OR52B6: variants seen among roughly 807,000 people sequenced by gnomAD.
OR52B6 encodes the protein olfactory receptor 52B6.
For missense variants in OR52B6, 433 were observed against 416.8 expected, an observed-to-expected ratio of 1.04 and a Z score of -0.34; for synonymous variants, 169 against 160.0, an observed-to-expected ratio of 1.06 and a Z score of -0.42.
Position 5,581,195 on chromosome 11 carries a change from C to G in OR52B6, c.319C>G (p.Leu107Val), listed in dbSNP as rs777125359. The change falls in exon 1 of 1, where the codon CTA becomes GTA. Residue 107 changes from leucine (L) to valine (V), a missense_variant. By Grantham distance (32) the Leu-to-Val change is conservative. Coordinates refer to ENST00000345043, the MANE Select transcript of OR52B6 (RefSeq NM_001005162.2). Reference sequence around the variant, plus strand: ...GCCTAAGGCCCTGGCCAATTTGTGGCTAGGTTATAGCCTCATTTCCTTTGA... The same window carrying G: ...GCCTAAGGCCCTGGCCAATTTGTGGGTAGGTTATAGCCTCATTTCCTTTGA... Reference protein sequence around the residue: ...TMPKALANLWLGYSLISFDGC... With the variant: ...TMPKALANLWVGYSLISFDGC... The G allele has an allele frequency of 8.1e-6, 13 of 1,613,076 alleles. No individual in the cohort carries two copies. In the South Asian group the frequency reaches 1.4e-4, roughly 18 times the overall value.
At position 5,581,181 on chromosome 11, in the gene OR52B6, T is replaced by C; in HGVS notation, c.305T>C (p.Leu102Pro). The C allele has an allele frequency of 6.2e-7, 1 of 1,613,296 alleles. No individual in the cohort carries two copies. The highest frequency in any genetic ancestry group is 8.5e-7 in the Non-Finnish European group (1 of 1,179,556). ...LLSTTTMPKALANLWLGYSLI... is the reference protein window; with the variant it reads ...LLSTTTMPKAPANLWLGYSLI... ...TCTACCACCACCATGCCTAAGGCCCTGGCCAATTTGTGGCTAGGTTATAGC... is the reference window on the plus strand; with the variant it reads ...TCTACCACCACCATGCCTAAGGCCCCGGCCAATTTGTGGCTAGGTTATAGC... Residue 102 changes from leucine to proline, a missense_variant, in exon 1 of 1, where the codon CTG becomes CCG. By Grantham distance (98) the Leu-to-Pro change is moderately conservative. Coordinates refer to ENST00000345043, the MANE Select transcript of OR52B6 (RefSeq NM_001005162.2).
Position 5,581,783 on chromosome 11 carries a change from A to T in OR52B6, c.907A>T (p.Ile303Phe). Reference sequence around the variant, plus strand: ...TCTCCTGGCCAGCCTCTACGTTGTCATTCCTCCTATGCTCAATCCCGTTAT... The same window carrying T: ...TCTCCTGGCCAGCCTCTACGTTGTCTTTCCTCCTATGCTCAATCCCGTTAT... The part of the protein sequence containing the change: ...HILLASLYVV[I>F]PPMLNPVIYG... The change falls in exon 1 of 1, where the codon ATT becomes TTT. Residue 303 changes from isoleucine (I) to phenylalanine (F), a missense_variant. Ile to Phe is a conservative substitution (Grantham distance 21). Coordinates refer to ENST00000345043, the MANE Select transcript of OR52B6 (RefSeq NM_001005162.2). 1 of 1,613,990 alleles carries T rather than the reference A, an allele frequency of 6.2e-7. No homozygotes were observed. Among genetic ancestry groups the T allele is most frequent in the Non-Finnish European group, 8.5e-7 (1 of 1,179,912 alleles).
In OR52B6 at chr11:5,581,021, A is replaced by G; in HGVS notation, c.145A>G (p.Ile49Val). 2 of 1,614,066 alleles carry G rather than the reference A, an allele frequency of 1.2e-6. No individual in the cohort carries two copies. The highest frequency in any genetic ancestry group is 1.7e-6 in the Non-Finnish European group (2 of 1,179,962). ...GGAGCAACTACATATCTGGCTGTCC[A>G]TCCCCTTCTGCATCATGTACATCAC... The part of the protein sequence containing the change: ...GLEQLHIWLS[I>V]PFCIMYITAL... The change falls in exon 1 of 1, where the codon ATC becomes GTC. Residue 49 changes from isoleucine to valine, a missense_variant. Physicochemically the swap from Ile to Val is conservative, Grantham distance 29 (BLOSUM62 3). Coordinates refer to ENST00000345043, the MANE Select transcript of OR52B6 (RefSeq NM_001005162.2).
rs866023564 is a variant in OR52B6 at position 5,581,471 on chromosome 11, G to A, written c.595G>A (p.Glu199Lys). The A allele has an allele frequency of 6.2e-7, 1 of 1,613,868 alleles. No homozygotes were observed. Among genetic ancestry groups the A allele is most frequent in the African/African-American group, 1.3e-5 (1 of 74,888 alleles). The change falls in exon 1 of 1, where the codon GAG (glutamate) becomes AAG (lysine). Residue 199 changes from glutamate to lysine, a missense_variant. Coordinates refer to ENST00000345043, the MANE Select transcript of OR52B6 (RefSeq NM_001005162.2). ...QINIIAHTFC[E>K]HMGIAHLSCS... ...CAATATCATTGCACACACATTTTGT[G>A]AGCACATGGGCATTGCCCATCTGTC...
In OR52B6 at chr11:5,581,616, T is replaced by G; in HGVS notation, c.740T>G (p.Leu247Arg). The G allele has an allele frequency of 6.2e-7, 1 of 1,614,162 alleles. No homozygotes were observed. The highest frequency in any genetic ancestry group is 8.5e-7 in the Non-Finnish European group (1 of 1,180,034). Residue 247 changes from leucine to arginine, a missense_variant, in exon 1 of 1, where the codon CTC (leucine) becomes CGC (arginine). Physicochemically the swap from Leu to Arg is moderately radical, Grantham distance 102 (BLOSUM62 -2). Coordinates refer to ENST00000345043, the MANE Select transcript of OR52B6 (RefSeq NM_001005162.2). ...CACATCCTCCAAGCAGTCTTCCGCC[T>G]CCTTTCTCAAGATGCCCGCTCCAAG... ...YIHILQAVFRLLSQDARSKAL... is the reference protein window; with the variant it reads ...YIHILQAVFRRLSQDARSKAL...
chr11:5,581,338 C>A lies in OR52B6; in HGVS notation c.462C>A (p.Ile154=). ...AICSPLRYVT[I]LTSKVIGKIV... Reference sequence around the variant, plus strand: ...GCTCCCCCCTGCGATATGTCACAATCCTCACAAGCAAGGTCATTGGGAAGA... The same window carrying A: ...GCTCCCCCCTGCGATATGTCACAATACTCACAAGCAAGGTCATTGGGAAGA... Residue 154 remains isoleucine (I), a synonymous_variant, in exon 1 of 1, where the codon ATC becomes ATA. Transcript: ENST00000345043. The A allele has an allele frequency of 6.2e-7, 1 of 1,613,038 alleles. No homozygotes were observed. Among genetic ancestry groups the A allele is most frequent in the South Asian group, 1.1e-5 (1 of 90,766 alleles).
Position 5,581,176 on chromosome 11 carries a change from G to A in OR52B6, c.300G>A (p.Lys100=). 2 of 1,613,212 alleles carry A rather than the reference G, an allele frequency of 1.2e-6. No individual in the cohort carries two copies. The highest frequency in any genetic ancestry group is 1.7e-6 in the Non-Finnish European group (2 of 1,179,514). ...DVLLSTTTMP[K]ALANLWLGYS... is the part of the protein sequence containing the mutation. The stretch of plus-strand genomic sequence containing the variant: ...TGCTCTCTACCACCACCATGCCTAA[G>A]GCCCTGGCCAATTTGTGGCTAGGTT... The change falls in exon 1 of 1, where the codon AAG becomes AAA. Residue 100 remains lysine, a synonymous_variant. Coordinates refer to ENST00000345043, the MANE Select transcript of OR52B6 (RefSeq NM_001005162.2).
Position 5,581,230 on chromosome 11 carries a change from C to T in OR52B6, c.354C>T (p.Leu118=). The change falls in exon 1 of 1, where the codon CTC becomes CTT. Residue 118 remains leucine (L), a synonymous_variant. Transcript: ENST00000345043. ...GYSLISFDGC[L]TQMFFIHFLF... ...GCCTCATTTCCTTTGATGGCTGCCT[C>T]ACTCAGATGTTCTTCATTCACTTCC... 1 of 1,614,076 alleles carries T rather than the reference C, an allele frequency of 6.2e-7. No homozygotes were observed. Among genetic ancestry groups the T allele is most frequent in the Non-Finnish European group, 8.5e-7 (1 of 1,179,946 alleles).
Position 5,581,096 on chromosome 11 carries a change from A to G in OR52B6, c.220A>G (p.Ile74Val). 6.2e-7 allele frequency: 1 copy of G among 1,614,098 alleles called. No individual in the cohort carries two copies. The highest frequency in any genetic ancestry group is 8.5e-7 in the Non-Finnish European group (1 of 1,180,012). ...ILICVILSQA[I>V]LHEPMYIFLS... The stretch of plus-strand genomic sequence containing the variant: ...AATTTGTGTCATCCTCTCCCAGGCA[A>G]TCCTGCATGAGCCCATGTACATATT... The change falls in exon 1 of 1, where the codon ATC (isoleucine) becomes GTC (valine). Residue 74 changes from isoleucine (I) to valine (V), a missense_variant. Ile to Val is a conservative substitution (Grantham distance 29, BLOSUM62 3). Transcript: ENST00000345043.
chr11:5,581,261 A>C lies in OR52B6; in HGVS notation c.385A>C (p.Ile129Leu). The change falls in exon 1 of 1, where the codon ATT becomes CTT. Residue 129 changes from isoleucine (I) to leucine (L), a missense_variant. Ile to Leu is a conservative substitution (Grantham distance 5, BLOSUM62 2). Transcript: ENST00000345043. ...TQMFFIHFLF[I>L]HSAVLLAMAF... ...GATGTTCTTCATTCACTTCCTCTTC[A>C]TTCACTCTGCTGTCCTGCTGGCCAT... The C allele has an allele frequency of 1.2e-6, 2 of 1,613,866 alleles. No homozygotes were observed. The highest frequency in any genetic ancestry group is 1.7e-6 in the Non-Finnish European group (2 of 1,179,962).
rs530852697 is a variant in OR52B6 at position 5,581,298 on chromosome 11, G to T, written c.422G>T (p.Arg141Leu). Reference sequence around the variant, plus strand: ...GTCCTGCTGGCCATGGCCTTTGACCGCTATGTGGCCATCTGCTCCCCCCTG... The same window carrying T: ...GTCCTGCTGGCCATGGCCTTTGACCTCTATGTGGCCATCTGCTCCCCCCTG... Reference protein sequence around the residue: ...SAVLLAMAFDRYVAICSPLRY... With the variant: ...SAVLLAMAFDLYVAICSPLRY... Residue 141 changes from arginine to leucine, a missense_variant, in exon 1 of 1, where the codon CGC (arginine) becomes CTC (leucine). Coordinates refer to ENST00000345043, the MANE Select transcript of OR52B6 (RefSeq NM_001005162.2). The T allele has an allele frequency of 6.2e-7, 1 of 1,613,578 alleles. No homozygotes were observed. The highest frequency in any genetic ancestry group is 1.3e-5 in the African/African-American group (1 of 74,974).
In OR52B6 at chr11:5,580,905, T is replaced by A. The variant is rs145163439; in HGVS notation, c.29T>A (p.Ile10Asn). ...GCACAGGTGAGGGCGCTGCATAAAA[T>A]CATGGCCCTTTTTTCTGCTAACAGC... is the stretch of plus-strand genomic sequence containing the variant. MAQVRALHK[I>N]MALFSANSIG... The change falls in exon 1 of 1, where the codon ATC (isoleucine) becomes AAC (asparagine). Residue 10 changes from isoleucine (I) to asparagine (N), a missense_variant. By Grantham distance (149) the Ile-to-Asn change is moderately radical. Coordinates refer to ENST00000345043, the MANE Select transcript of OR52B6 (RefSeq NM_001005162.2). 5.7e-6 allele frequency: 9 copies of A among 1,587,136 alleles called. No individual in the cohort carries two copies. The African/African-American group carries it at 8.1e-5, about 14-fold the overall frequency.
chr11:5,581,434 C>G lies in OR52B6; in HGVS notation c.558C>G (p.His186Gln). Residue 186 changes from histidine to glutamine, a missense_variant, in exon 1 of 1, where the codon CAC becomes CAG. Coordinates refer to ENST00000345043, the MANE Select transcript of OR52B6 (RefSeq NM_001005162.2). ...CCATCTTTCTCCTTGAGCACCTGCA[C>G]TATTGCCAGATCAATATCATTGCAC... ...FPSIFLLEHLHYCQINIIAHT... is the reference protein window; with the variant it reads ...FPSIFLLEHLQYCQINIIAHT... The G allele has an allele frequency of 1.2e-6, 2 of 1,614,110 alleles. No individual in the cohort carries two copies. The highest frequency in any genetic ancestry group is 1.7e-6 in the Non-Finnish European group (2 of 1,180,006).
At position 5,581,517 on chromosome 11, in the gene OR52B6, A is replaced by G. The variant is rs1422526218; in HGVS notation, c.641A>G (p.Asn214Ser). ...CTGTCCTGTTCTGATATCTCCATCA[A>G]TGTCTGGTATGGGTTGGCAGCTGCT... Reference protein sequence around the residue: ...AHLSCSDISINVWYGLAAALL... With the variant: ...AHLSCSDISISVWYGLAAALL... Residue 214 changes from asparagine (N) to serine (S), a missense_variant, in exon 1 of 1, where the codon AAT (asparagine) becomes AGT (serine). Coordinates refer to ENST00000345043, the MANE Select transcript of OR52B6 (RefSeq NM_001005162.2). The G allele has an allele frequency of 3.7e-6, 6 of 1,614,052 alleles. No individual in the cohort carries two copies. Among genetic ancestry groups the G allele is most frequent in the Non-Finnish European group, 5.1e-6 (6 of 1,179,976 alleles).
chr11:5,580,972 C>T lies in OR52B6; in HGVS notation c.96C>T (p.Cys32=). The part of the protein sequence containing the change: ...MNNSDTRIAG[C]FLTGIPGLEQ... ...ACTCTGACACTCGCATAGCAGGCTG[C>T]TTCCTCACTGGCATCCCTGGGCTGG... Residue 32 remains cysteine (C), a synonymous_variant, in exon 1 of 1, where the codon TGC becomes TGT. Coordinates refer to ENST00000345043, the MANE Select transcript of OR52B6 (RefSeq NM_001005162.2). 6.2e-7 allele frequency: 1 copy of T among 1,613,990 alleles called. No individual in the cohort carries two copies. The highest frequency in any genetic ancestry group is 8.5e-7 in the Non-Finnish European group (1 of 1,179,922).
rs1398293980 is a variant in OR52B6 at position 5,581,278 on chromosome 11, G to C, written c.402G>C (p.Leu134=). Residue 134 remains leucine, a synonymous_variant, in exon 1 of 1, where the codon CTG becomes CTC. Transcript: ENST00000345043. ...TCCTCTTCATTCACTCTGCTGTCCT[G>C]CTGGCCATGGCCTTTGACCGCTATG... ...IHFLFIHSAV[L]LAMAFDRYVA... The C allele has an allele frequency of 1.9e-6, 3 of 1,613,944 alleles. No homozygotes were observed. The highest frequency in any genetic ancestry group is 2.5e-6 in the Non-Finnish European group (3 of 1,179,966).
In OR52B6 at chr11:5,581,007, A is replaced by G. The variant is rs1217488247; in HGVS notation, c.131A>G (p.His44Arg). Residue 44 changes from histidine to arginine, a missense_variant, in exon 1 of 1, where the codon CAT becomes CGT. Physicochemically the swap from His to Arg is conservative, Grantham distance 29. Transcript: ENST00000345043. ...LTGIPGLEQLHIWLSIPFCIM... is the reference protein window; with the variant it reads ...LTGIPGLEQLRIWLSIPFCIM... The stretch of plus-strand genomic sequence containing the variant: ...GGCATCCCTGGGCTGGAGCAACTAC[A>G]TATCTGGCTGTCCATCCCCTTCTGC... 1 of 1,614,066 alleles carries G rather than the reference A, an allele frequency of 6.2e-7. No individual in the cohort carries two copies. Among genetic ancestry groups the G allele is most frequent in the Non-Finnish European group, 8.5e-7 (1 of 1,179,998 alleles).
Position 5,581,414 on chromosome 11 carries a change from T to C in OR52B6, c.538T>C (p.Phe180Leu), listed in dbSNP as rs761525541. Residue 180 changes from phenylalanine to leucine, a missense_variant, in exon 1 of 1, where the codon TTT becomes CTT. Coordinates refer to ENST00000345043, the MANE Select transcript of OR52B6 (RefSeq NM_001005162.2). The part of the protein sequence containing the change: ...HSFIIMFPSI[F>L]LLEHLHYCQI... ...CTTCATCATTATGTTTCCATCCATC[T>C]TTCTCCTTGAGCACCTGCACTATTG... 6.2e-7 allele frequency: 1 copy of C among 1,614,014 alleles called. No homozygotes were observed. Among genetic ancestry groups the C allele is most frequent in the Non-Finnish European group, 8.5e-7 (1 of 1,180,026 alleles).
Position 5,581,618 on chromosome 11 carries a change from C to T in OR52B6, c.742C>T (p.Leu248Phe). Residue 248 changes from leucine (L) to phenylalanine (F), a missense_variant, in exon 1 of 1, where the codon CTT becomes TTT. Physicochemically the swap from Leu to Phe is conservative, Grantham distance 22. Coordinates refer to ENST00000345043, the MANE Select transcript of OR52B6 (RefSeq NM_001005162.2). The part of the protein sequence containing the change: ...IHILQAVFRL[L>F]SQDARSKALS... ...CATCCTCCAAGCAGTCTTCCGCCTCCTTTCTCAAGATGCCCGCTCCAAGGC... is the reference window on the plus strand; with the variant it reads ...CATCCTCCAAGCAGTCTTCCGCCTCTTTTCTCAAGATGCCCGCTCCAAGGC... 6.2e-7 allele frequency: 1 copy of T among 1,614,166 alleles called. No individual in the cohort carries two copies. The highest frequency in any genetic ancestry group is 1.1e-5 in the South Asian group (1 of 91,076).
Sources: gnomAD v4.1 joint callset for allele counts on GRCh38, gnomAD v4.1.1 for gene constraint, MANE v1.5 for transcripts, NCBI Gene and HGNC (gene_info 2026-07-23, HGNC 2026-07-21) for gene names.